The following ABCD3 variants were observed in gnomAD, a reference collection of about 807,000 sequenced individuals.
ABCD3 encodes ATP-binding cassette sub-family D member 3.
ABCD3 carries 41 observed loss-of-function variants against 105.5 expected under a neutral mutation model. That is an observed-to-expected ratio of 0.39 (90% confidence interval 0.30 to 0.50). ABCD3 has a LOEUF of 0.50. Among genes scored for constraint, ABCD3 ranks in the 20% least tolerant of loss-of-function variants. The probability of loss-of-function intolerance (pLI) is 0.84; values close to 1 mark genes in which losing one functional copy is unlikely to be tolerated. For synonymous variants in ABCD3, 258 were observed against 269.0 expected (o/e 0.96, Z 0.40); for missense variants, 622 against 806.3 (o/e 0.77, Z 2.77).
At chr1:94,458,376 C>G (rs1320725838) in intron 1 of ABCD3, among the ~76,000 whole-genome samples, 2 of 152,172 alleles carry the variant, frequency 1.3e-5, no homozygotes, top group African/African-American at 4.8e-5. Flanking sequence ...AATTACCAAA[C>G]AGAATGTCTG....
At chr1:94,434,971 T>A (rs1659843643) in intron 1 of ABCD3, among the ~76,000 whole-genome samples, 1 of 151,992 alleles carries the variant, frequency 6.6e-6, no homozygotes, top group Non-Finnish European at 1.5e-5. Context: ...TTAGTTGTGT[T>A]TGTGGTTTTT....
At chr1:94,429,787 G>A (rs549976929) in intron 1 of ABCD3, among the ~76,000 whole-genome samples, 1 of 152,354 alleles carries the variant, frequency 6.6e-6, no homozygotes, top group Non-Finnish European at 1.5e-5. Flanking sequence ...CCTCTGCTAG[G>A]GCAGTGTGGA....
chr1:94,396,281 T>C, the ABCD3 span, among the ~76,000 whole-genome samples: 4 of 152,212 alleles, frequency 2.6e-5, no homozygotes, highest in Admixed American at 2.6e-4. Flanking sequence ...CTCATAGTGC[T>C]ATTGTGAGAA....
At chr1:94,476,551 C>T (rs1309481575) in intron 7 of ABCD3, among the ~76,000 whole-genome samples, 1 of 152,158 alleles carries the variant, frequency 6.6e-6, no homozygotes, top group African/African-American at 2.4e-5. Context: ...GTATCTTTGC[C>T]TCTGGTCACA....
chr1:94,478,477 G>A (rs544916164), intron 8 of ABCD3, 162 bp downstream of exon 8: 97 of 1,325,380 alleles, frequency 7.3e-5, no homozygotes, highest in African/African-American at 1.6e-4. Context: ...TACTTCATTC[G>A]AGATTTTAGA....
chr1:94,433,706 G>A (rs190834031), intron 1 of ABCD3, among the ~76,000 whole-genome samples: 73 of 150,226 alleles, frequency 4.9e-4, no homozygotes, highest in African/African-American at 1.6e-3. Flanking sequence ...TAGTGCAGCA[G>A]CATAGTCTTG....
chr1:94,386,093 T>C, the ABCD3 span, among the ~76,000 whole-genome samples: 6 of 151,498 alleles, frequency 4.0e-5, no homozygotes, highest in African/African-American at 1.2e-4. Flanking sequence ...ATGTTTTATA[T>C]GTAAGTTTCA....
At chr1:94,507,053 A>G (rs1011663624) in intron 21 of ABCD3, among the ~76,000 whole-genome samples, 1 of 152,066 alleles carries the variant, frequency 6.6e-6, no homozygotes, top group African/African-American at 2.4e-5. Context: ...GGTTAGTTAC[A>G]TATGTATACA....
chr1:94,443,998 CAT>C (rs1483167002), intron 1 of ABCD3, among the ~76,000 whole-genome samples: 3 of 152,046 alleles, frequency 2.0e-5, no homozygotes, highest in Non-Finnish European at 2.9e-5. Flanking sequence ...AGTTTTCTCT[CAT>C]GTCTTTTTTA....
intron 16 of ABCD3, among the ~76,000 whole-genome samples, chr1:94,496,548 T>C (rs1159464519): frequency 1.3e-5 from 2 of 151,934 alleles, no homozygotes; most frequent in Non-Finnish European, 2.9e-5. Context: ...TTGTGAACAA[T>C]GCTGATGGCT....
chr1:94,508,665 C>T (rs1156456393), intron 21 of ABCD3, among the ~76,000 whole-genome samples: 3 of 148,322 alleles, frequency 2.0e-5, no homozygotes, highest in Non-Finnish European at 3.0e-5. Context: ...TCTTTTATTT[C>T]CTTGAGCAGT....
intron 2 of ABCD3, among the ~76,000 whole-genome samples, chr1:94,461,459 ATGTG>A (rs5776220): frequency 0.26 from 38,950 of 151,760 alleles, 5,583 homozygotes; most frequent in Admixed American, 0.34. Context: ...GTATTTTGGC[ATGTG>A]TGTGTATGTG....
the ABCD3 span, among the ~76,000 whole-genome samples, chr1:94,401,181 G>A: frequency 2.6e-5 from 4 of 152,158 alleles, no homozygotes; most frequent in African/African-American, 4.8e-5. Flanking sequence ...AGCCAAAAAC[G>A]GATTAAGAAC....
At chr1:94,435,698 T>G (rs1454754051) in intron 1 of ABCD3, among the ~76,000 whole-genome samples, 1 of 152,238 alleles carries the variant, frequency 6.6e-6, no homozygotes, top group African/African-American at 2.4e-5. Context: ...AAAGAAACCT[T>G]TTCTTTTCTG....
intron 1 of ABCD3, among the ~76,000 whole-genome samples, chr1:94,453,538 T>C (rs1170177479): frequency 6.6e-6 from 1 of 151,950 alleles, no homozygotes; most frequent in East Asian, 1.9e-4. Flanking sequence ...CAGGATGGTC[T>C]CGATCTCCTG....
In ABCD3 at chr1:94,504,074, A is replaced by G. The variant is rs577455815; in HGVS notation, c.1741-2464A>G. On this transcript the variant is annotated intron_variant, in intron 20 of 22. Transcript: ENST00000370214. ...ACTACAGGCACGCATCACCATGCCC[A>G]GCTAATTTTTGTATTTTTAGTAGAG... is the stretch of plus-strand genomic sequence containing the variant. Among the ~76,000 whole-genome samples, 9 of 151,626 alleles carry G rather than the reference A, an allele frequency of 5.9e-5. No homozygotes were observed. The East Asian group carries it at 1.8e-3, about 29-fold the overall frequency.
chr1:94,472,196 C>T, intron 4 of ABCD3: 1 of 978,728 alleles, frequency 1.0e-6, no homozygotes, highest in Non-Finnish European at 1.2e-6. Flanking sequence ...AGAAATAAGG[C>T]TTTATTCAAG....
chr1:94,515,721 A>G (rs1208340945), intron 22 of ABCD3, among the ~76,000 whole-genome samples: 2 of 152,004 alleles, frequency 1.3e-5, no homozygotes, highest in Non-Finnish European at 2.9e-5. Context: ...CTGGTGCTTC[A>G]GTAGTGCCAT....
rs147102075 is a variant in ABCD3 at position 94,490,547 on chromosome 1, A to G, written c.1322+572A>G. Among the ~76,000 whole-genome samples the G allele has an allele frequency of 6.7e-4, 102 of 152,140 alleles. 1 individual carries two copies. The East Asian group carries it at 0.014, about 20-fold the overall frequency. ...AGCATAATGTCCTCCAGATCCATCT[A>G]TGTTGAAAATGGCCCAGTTTCCTTC... On this transcript the variant is annotated intron_variant, in intron 15 of 22. Transcript: ENST00000370214.
Sources: allele counts gnomAD v4.1 joint callset (sites outside exome capture counted in the v4.1 genomes callset), GRCh38; gene constraint gnomAD v4.1.1; transcripts MANE v1.5; gene names NCBI Gene and HGNC (gene_info 2026-07-23, HGNC 2026-07-21).